Variants in PAK1 observed in about 807,000 individuals in gnomAD.
The protein encoded by PAK1 is p21 (RAC1) activated kinase 1.
Under a neutral mutation model 67.4 loss-of-function variants are expected in PAK1, and 29 were observed. That is an observed-to-expected ratio of 0.43 (90% confidence interval 0.32 to 0.59). The LOEUF is 0.59. Among genes scored for constraint, PAK1 ranks in the 20% least tolerant of loss-of-function variants. PAK1 has a pLI of 0.07. For missense variants in PAK1, 337 were observed against 670.7 expected, an observed-to-expected ratio of 0.50 and a Z score of 5.50; for synonymous variants, 223 against 237.4, an observed-to-expected ratio of 0.94 and a Z score of 0.56.
At chr11:77,396,525 G>A (rs887220621) in intron 1 of PAK1, among the ~76,000 whole-genome samples, 1 of 152,046 alleles carries the variant, frequency 6.6e-6, no homozygotes, top group African/African-American at 2.4e-5. Context: ...GCACAGAACA[G>A]GTAATCAATA....
intron 14 of PAK1, 74 bp from the exon 15 acceptor site, chr11:77,323,434 A>T: frequency 2.0e-6 from 2 of 1,008,106 alleles, no homozygotes; most frequent in Non-Finnish European, 3.1e-6. Flanking sequence ...CAAGACATAA[A>T]GGCATCTTTG....
the PAK1 span, among the ~76,000 whole-genome samples, chr11:77,493,699 C>T: frequency 6.6e-6 from 1 of 151,940 alleles, no homozygotes; most frequent in Non-Finnish European, 1.5e-5. Context: ...GTGCGTCAGT[C>T]GTTTTGAATG....
chr11:77,350,849 C>T (rs931746606), intron 8 of PAK1, among the ~76,000 whole-genome samples: 1 of 152,074 alleles, frequency 6.6e-6, no homozygotes, highest in Non-Finnish European at 1.5e-5. Context: ...GCCTGATTAT[C>T]CTGCCCCTAG....
At chr11:77,475,470 C>T (rs1958047026), upstream of PAK1, 1 of 152,232 alleles carries the variant, frequency 6.6e-6, no homozygotes. Context: ...AAAGTTCAAA[C>T]TCCTGAACTT....
At chr11:77,378,706 G>C (rs1394448542) in intron 4 of PAK1, among the ~76,000 whole-genome samples, 1 of 152,072 alleles carries the variant, frequency 6.6e-6, no homozygotes, top group African/African-American at 2.4e-5. Flanking sequence ...CTTCTCCTCA[G>C]CTTCCCAAGT....
chr11:77,417,738 C>CT (rs67257981), intron 1 of PAK1, among the ~76,000 whole-genome samples: 199 of 144,552 alleles, frequency 1.4e-3, no homozygotes, highest in Middle Eastern at 3.6e-3. Context: ...TTTTTCTTTT[C>CT]TTTTTTTTTT....
chr11:77,462,322 C>A, intron 1 of PAK1, among the ~76,000 whole-genome samples: 1 of 129,644 alleles, frequency 7.7e-6, no homozygotes, highest in African/African-American at 3.7e-5. Flanking sequence ...CAGAGTGAGA[C>A]TCCGTCTCAA....
intron 4 of PAK1, 58 bp from the exon 5 acceptor site, chr11:77,374,423 G>T: frequency 1.7e-6 from 2 of 1,177,924 alleles, no homozygotes; most frequent in South Asian, 1.2e-5. Flanking sequence ...AAATTTTTCT[G>T]GACAGCAAAA....
chr11:77,350,724 C>T (rs1945124985), intron 8 of PAK1, among the ~76,000 whole-genome samples: 2 of 152,132 alleles, frequency 1.3e-5, no homozygotes, highest in Non-Finnish European at 2.9e-5. Flanking sequence ...GTCACCAGCT[C>T]CCTAATCATC....
chr11:77,476,935 T>C (rs531869959), upstream of PAK1: 3 of 152,242 alleles, frequency 2.0e-5, no homozygotes, highest in African/African-American at 7.2e-5. Context: ...TGAGCCGAGA[T>C]TGCGCCATTG....
At chr11:77,447,074 G>A (rs886066748) in intron 1 of PAK1, among the ~76,000 whole-genome samples, 1 of 152,122 alleles carries the variant, frequency 6.6e-6, no homozygotes, top group African/African-American at 2.4e-5. Flanking sequence ...AAACCACACA[G>A]AGATAAGAAG....
intron 2 of PAK1, among the ~76,000 whole-genome samples, chr11:77,387,386 A>G (rs1216851787): frequency 1.3e-5 from 2 of 152,266 alleles, no homozygotes; most frequent in Non-Finnish European, 1.5e-5. Context: ...GTATTTTTTA[A>G]AAGCACCATA....
intron 1 of PAK1, among the ~76,000 whole-genome samples, chr11:77,413,413 CAG>C (rs1954758604): frequency 2.0e-5 from 3 of 152,132 alleles, no homozygotes. Flanking sequence ...TGGTGGAAAA[CAG>C]AATACGATGG....
chr11:77,374,589 T>G (rs1291408005), intron 4 of PAK1, among the ~76,000 whole-genome samples: 6 of 152,210 alleles, frequency 3.9e-5, no homozygotes, highest in Non-Finnish European at 1.5e-5. Flanking sequence ...TTTTATTGAT[T>G]TGGAAACAAG....
chr11:77,325,217 T>C, intron 14 of PAK1: 1 of 1,292,472 alleles, frequency 7.7e-7, no homozygotes, highest in Non-Finnish European at 1.1e-6. Flanking sequence ...ACAGACTAGA[T>C]GAGCCCTAAG....
chr11:77,426,480 A>T (rs1955550973), intron 1 of PAK1, among the ~76,000 whole-genome samples: 1 of 152,180 alleles, frequency 6.6e-6, no homozygotes, highest in South Asian at 2.1e-4. Context: ...AGGTAAGAAA[A>T]TCGGGGCACA....
At chr11:77,349,433 C>G (rs905748086) in intron 8 of PAK1, 146 bp from the exon 9 acceptor site, 4 of 690,602 alleles carry the variant, frequency 5.8e-6, no homozygotes, top group Admixed American at 4.2e-5. Flanking sequence ...TCCATTCTCA[C>G]ATTTAAGAAG....
intron 2 of PAK1, among the ~76,000 whole-genome samples, chr11:77,382,068 A>G (rs1051998187): frequency 6.6e-6 from 1 of 152,160 alleles, no homozygotes; most frequent in African/African-American, 2.4e-5. Flanking sequence ...GGGAAGTACA[A>G]TTATATTTGT....
chr11:77,330,348 C>G (rs1046568368), intron 14 of PAK1, among the ~76,000 whole-genome samples: 2 of 152,112 alleles, frequency 1.3e-5, no homozygotes, highest in Non-Finnish European at 2.9e-5. Flanking sequence ...GCCCAAAGAA[C>G]AAAGCTGGAG....
Sources: allele counts gnomAD v4.1 joint callset (sites outside exome capture counted in the v4.1 genomes callset), GRCh38; gene constraint gnomAD v4.1.1; transcripts MANE v1.5; gene names NCBI Gene and HGNC (gene_info 2026-07-23, HGNC 2026-07-21).